The following THSD4 variants were observed in gnomAD, a reference collection of about 807,000 sequenced individuals.
THSD4 encodes the protein thrombospondin type 1 domain containing 4, also known as thrombospondin type-1 domain-containing protein 4.
THSD4 carries 69 observed loss-of-function variants against 119.0 expected under a neutral mutation model. That is an observed-to-expected ratio of 0.58 (90% confidence interval 0.48 to 0.71). THSD4 has a LOEUF of 0.71. Ranked by LOEUF, THSD4 falls within the 30% of genes least tolerant of loss-of-function variation. THSD4 has a pLI of 0.00. For synonymous variants in THSD4, 524 were observed against 540.4 expected (o/e 0.97, Z 0.42); for missense variants, 1,393 against 1,391.1 (o/e 1.00, Z -0.02).
At chr15:71,220,883 C>T (rs2043970176) in intron 4 of THSD4, among the ~76,000 whole-genome samples, 1 of 152,134 alleles carries the variant, frequency 6.6e-6, no homozygotes, top group African/African-American at 2.4e-5. Flanking sequence ...GAAAAATCCT[C>T]CACAAAGGGT....
intron 7 of THSD4, among the ~76,000 whole-genome samples, chr15:71,593,706 C>G (rs1446736571): frequency 1.3e-5 from 2 of 152,004 alleles, no homozygotes; most frequent in Admixed American, 1.3e-4. Context: ...GACCAACCAA[C>G]CTGGGCAACA....
At chr15:71,436,605 C>T (rs2047015969) in intron 7 of THSD4, among the ~76,000 whole-genome samples, 1 of 152,116 alleles carries the variant, frequency 6.6e-6, no homozygotes, top group Non-Finnish European at 1.5e-5. Context: ...AGCACCTCAT[C>T]TGTAGGGACC....
At chr15:71,723,999 T>G (rs1183971963) in intron 8 of THSD4, among the ~76,000 whole-genome samples, 1 of 147,746 alleles carries the variant, frequency 6.8e-6, no homozygotes, top group African/African-American at 2.5e-5. Context: ...GAGGTTGCAG[T>G]GAGCAGTAAG....
intron 6 of THSD4, among the ~76,000 whole-genome samples, chr15:71,357,013 G>A (rs766121285): frequency 3.3e-5 from 5 of 152,162 alleles, no homozygotes; most frequent in African/African-American, 7.2e-5. Context: ...GTGGATTTGG[G>A]GTAAGAAGAG....
rs369941621 is a variant in THSD4 at position 71,749,995 on chromosome 15, C to T, written c.2415+1401C>T. Among the ~76,000 whole-genome samples, 46 of 152,284 alleles carry T rather than the reference C, an allele frequency of 3.0e-4. No individual in the cohort carries two copies. In the East Asian group the frequency reaches 8.1e-3, roughly 27 times the overall value. ...TCTGCCACCTCGGCCTCCCGAAGCC[C>T]TGGAATTGTAGGCATGAGCCACTGT... is the stretch of plus-strand genomic sequence containing the variant. On this transcript the variant is annotated intron_variant, in intron 14 of 17. Transcript: ENST00000261862.
intron 3 of THSD4, among the ~76,000 whole-genome samples, chr15:71,203,173 G>A (rs1034808404): frequency 2.0e-5 from 3 of 152,144 alleles, no homozygotes; most frequent in African/African-American, 7.2e-5. Context: ...GAGAGAAAGT[G>A]TTCTTGCGTG....
intron 6 of THSD4, among the ~76,000 whole-genome samples, chr15:71,360,739 C>T (rs2045883380): frequency 6.6e-6 from 1 of 152,214 alleles, no homozygotes; most frequent in Admixed American, 6.5e-5. Flanking sequence ...CACCTTTTCA[C>T]TTTACAAGGG....
chr15:71,642,993 A>G (rs2050894850), intron 7 of THSD4, among the ~76,000 whole-genome samples: 1 of 152,194 alleles, frequency 6.6e-6, no homozygotes, highest in Admixed American at 6.5e-5. Context: ...TGGGACTGGA[A>G]TGCCTGGGTT....
chr15:71,111,441 A>T (rs1275022466), upstream of THSD4: 1 of 1,587,732 alleles, frequency 6.3e-7, no homozygotes, highest in South Asian at 1.1e-5. Flanking sequence ...AGGAGGAAGA[A>T]AAAGGACTGG....
At chr15:71,572,435 C>A (rs920204814) in intron 7 of THSD4, among the ~76,000 whole-genome samples, 21 of 152,190 alleles carry the variant, frequency 1.4e-4, no homozygotes, top group African/African-American at 5.1e-4. Flanking sequence ...TAGCCACTTA[C>A]ACAGTATACC....
intron 12 of THSD4, 45 bp downstream of exon 12, chr15:71,745,280 C>G (rs759679000): frequency 1.9e-6 from 3 of 1,608,680 alleles, no homozygotes; most frequent in African/African-American, 1.3e-5. Flanking sequence ...CGGGTCACTT[C>G]AGGTCACTTA....
At position 71,232,328 on chromosome 15, in the gene THSD4, A is replaced by G. The variant is rs371612521; in HGVS notation, c.465-10321A>G. ...ACCCATTCGTTACAAATGCTGAGCA[A>G]CGAGGCTCTGGGCCCACCCATATGT... On this transcript the variant is annotated intron_variant, in intron 4 of 17. Coordinates refer to ENST00000261862, the MANE Select transcript of THSD4 (RefSeq NM_024817.3). 5.7e-4 allele frequency among the ~76,000 whole-genome samples: 87 copies of G among 152,282 alleles called. No individual in the cohort carries two copies. In the South Asian group the frequency reaches 0.017, roughly 30 times the overall value.
intron 7 of THSD4, 78 bp from the exon 8 acceptor site, chr15:71,660,452 C>T: frequency 1.9e-6 from 3 of 1,563,652 alleles, no homozygotes; most frequent in South Asian, 1.1e-5. Flanking sequence ...AAATTTCTTG[C>T]CCAGGGATCT....
chr15:71,561,474 G>C (rs1217658186), intron 7 of THSD4, among the ~76,000 whole-genome samples: 2 of 152,094 alleles, frequency 1.3e-5, no homozygotes, highest in South Asian at 2.1e-4. Context: ...TCTGTGAGTG[G>C]GTATTTGTCC....
chr15:71,571,784 C>G (rs184349791), intron 7 of THSD4, among the ~76,000 whole-genome samples: 7 of 152,320 alleles, frequency 4.6e-5, no homozygotes, highest in Admixed American at 3.3e-4. Flanking sequence ...ATCTTTTAAA[C>G]TGTACAATAT....
At position 71,256,825 on chromosome 15, in the gene THSD4, A is replaced by G. The variant is rs138258197; in HGVS notation, c.1015+110A>G. 515 of 959,918 alleles carry G rather than the reference A, an allele frequency of 5.4e-4. 2 individuals carry two copies. The African/African-American group carries it at 7.2e-3, about 13-fold the overall frequency. 59.5% of individuals were successfully genotyped at this position (959,918 alleles called of 1,614,324 possible). ...TGGTGTGATCCTGGCTGGGGTGTCA[A>G]TAGGGGAGAAAGTGTGACTCCAGGG... is the stretch of plus-strand genomic sequence containing the variant. On this transcript the variant is annotated intron_variant, in intron 6 of 17. Transcript: ENST00000261862.
At position 71,215,860 on chromosome 15, in the gene THSD4, C is replaced by A. The variant is rs1029156089; in HGVS notation, c.464+461C>A. ...GAATGTTTGGAGCCTTAGAATGCTC[C>A]CAAGCTGTAGGCTTCCAGATTCTGT... On this transcript the variant is annotated intron_variant, in intron 4 of 17. Coordinates refer to ENST00000261862, the MANE Select transcript of THSD4 (RefSeq NM_024817.3). 2.0e-5 allele frequency among the ~76,000 whole-genome samples: 3 copies of A among 152,340 alleles called. No homozygotes were observed. In the East Asian group the frequency reaches 5.8e-4, roughly 29 times the overall value.
At position 71,497,947 on chromosome 15, in the gene THSD4, G is replaced by C. The variant is rs1436208039; in HGVS notation, c.1152+86124G>C. Among the ~76,000 whole-genome samples the C allele has an allele frequency of 2.0e-5, 3 of 152,162 alleles. No homozygotes were observed. In the East Asian group the frequency reaches 5.8e-4, roughly 29 times the overall value. On this transcript the variant is annotated intron_variant, in intron 7 of 17. Transcript: ENST00000261862. ...ATAGAATGGCTGGTATATGCTAATA[G>C]GATTTTCAAAGTGTGGAATTAAATA...
intron 7 of THSD4, among the ~76,000 whole-genome samples, chr15:71,443,431 T>TCC (rs34555631): frequency 3.9e-4 from 5 of 12,938 alleles, no homozygotes; most frequent in East Asian, 0.045. Context: ...GAAAAACAGA[T>TCC]CCCTCTCTCT....
Sources: allele counts gnomAD v4.1 joint callset (sites outside exome capture counted in the v4.1 genomes callset), GRCh38; gene constraint gnomAD v4.1.1; transcripts MANE v1.5; gene names NCBI Gene and HGNC (gene_info 2026-07-23, HGNC 2026-07-21).